Variants in RPS6KB1 observed in about 807,000 individuals in gnomAD.
The protein encoded by RPS6KB1 is ribosomal protein S6 kinase B1.
A neutral mutation model predicts 70.2 loss-of-function variants in RPS6KB1; 12 were observed. The observed-to-expected ratio is 0.17, with a 90% CI of 0.11 to 0.28. RPS6KB1 has a LOEUF of 0.28. Among genes scored for constraint, RPS6KB1 ranks in the 10% least tolerant of loss-of-function variants. RPS6KB1 has a pLI of 1.00. For missense variants in RPS6KB1, 270 were observed against 646.6 expected, an observed-to-expected ratio of 0.42 and a Z score of 6.32; for synonymous variants, 175 against 211.2, an observed-to-expected ratio of 0.83 and a Z score of 1.49.
chr17:59,901,172 C>T (rs1424975003), intron 1 of RPS6KB1, among the ~76,000 whole-genome samples: 6 of 148,772 alleles, frequency 4.0e-5, no homozygotes, highest in Non-Finnish European at 7.4e-5. Context: ...TTTTTTGAGA[C>T]GGAGTCTCGC....
At chr17:59,913,714 T>A (rs2042780322) in intron 3 of RPS6KB1, 1 of 152,190 alleles carries the variant, frequency 6.6e-6, no homozygotes, top group East Asian at 1.9e-4. Flanking sequence ...TTTTTTATGA[T>A]TTTTGAGACA....
At chr17:59,902,045 A>T (rs1885197049) in intron 1 of RPS6KB1, among the ~76,000 whole-genome samples, 1 of 144,796 alleles carries the variant, frequency 6.9e-6, no homozygotes. Flanking sequence ...TTTTCTGGAC[A>T]TTCCATATAA....
intron 12 of RPS6KB1, among the ~76,000 whole-genome samples, chr17:59,938,183 TTG>T (rs1491151015): frequency 4.7e-4 from 54 of 115,020 alleles, no homozygotes; most frequent in African/African-American, 1.7e-3. Context: ...TTTTTTTTTT[TTG>T]GGGGGGGGAT....
rs548256097 is a variant in RPS6KB1, at chr17:59,927,303, C to T, written c.529+721C>T. ...TTCACCATGTTGGTCAGGCTGGTCT[C>T]GAACTCCCGACTTCAGGTGATCCAC... On this transcript the variant is annotated intron_variant, in intron 5 of 14. Coordinates refer to ENST00000225577, the MANE Select transcript of RPS6KB1 (RefSeq NM_003161.4). 1.5e-4 allele frequency among the ~76,000 whole-genome samples: 23 copies of T among 150,724 alleles called. No homozygotes were observed. In the South Asian group the frequency reaches 2.3e-3, roughly 15 times the overall value.
Position 59,946,636 on chromosome 17 carries a change from A to G in RPS6KB1, c.1426A>G (p.Met476Val), listed in dbSNP as rs1414134583. Reference sequence around the variant, plus strand: ...TCCTCAGACACCTGTGGAATACCCAATGGAAACAAGTGGCATAGAGCAGAT... The same window carrying G: ...TCCTCAGACACCTGTGGAATACCCAGTGGAAACAAGTGGCATAGAGCAGAT... ...ANPQTPVEYP[M>V]ETSGIEQMDV... is the part of the protein sequence containing the mutation. The change falls in exon 15 of 15, where the codon ATG becomes GTG. Residue 476 changes from methionine to valine, a missense_variant. Transcript: ENST00000225577. This position sits in a 1 kb window ranked among gnomAD's most constrained non-coding sequence, Gnocchi z 4.2. The G allele has an allele frequency of 4.3e-6, 7 of 1,614,128 alleles. No homozygotes were observed. The highest frequency in any genetic ancestry group is 3.3e-5 in the Admixed American group (2 of 60,020).
chr17:59,909,532 C>T (rs1191616227), intron 1 of RPS6KB1, among the ~76,000 whole-genome samples: 1 of 150,376 alleles, frequency 6.6e-6, no homozygotes, highest in Non-Finnish European at 1.5e-5. Context: ...TCCCAAAGTG[C>T]TGGGATTACA....
intron 10 of RPS6KB1, 23 bp downstream of exon 10, chr17:59,935,323 G>A (rs780602373): frequency 1.6e-6 from 2 of 1,242,140 alleles, no homozygotes; most frequent in South Asian, 2.4e-5. Context: ...AATGGTCACT[G>A]ACACTACAAG....
intron 13 of RPS6KB1, among the ~76,000 whole-genome samples, chr17:59,942,630 C>G (rs988528503): frequency 1.1e-4 from 17 of 152,070 alleles, no homozygotes; most frequent in African/African-American, 4.1e-4. Context: ...GGATTTGTCA[C>G]TAACTTAATT....
In RPS6KB1 at chr17:59,914,717, C is replaced by T; in HGVS notation, c.381+14C>T. 1 of 1,587,434 alleles carries T rather than the reference C, an allele frequency of 6.3e-7. No homozygotes were observed. The highest frequency in any genetic ancestry group is 8.6e-7 in the Non-Finnish European group (1 of 1,157,920). On this transcript the variant is annotated intron_variant, in intron 4 of 14. Transcript: ENST00000225577. ...GTGCTTAAAAAGGTGATTTCCACTC[C>T]CCCTTTTTAGTCCTCACACACCATA...
At position 59,927,966 on chromosome 17, in the gene RPS6KB1, T is replaced by C. The variant is rs527350250; in HGVS notation, c.529+1384T>C. 1.1e-4 allele frequency among the ~76,000 whole-genome samples: 16 copies of C among 151,442 alleles called. No individual in the cohort carries two copies. In the East Asian group the frequency reaches 3.2e-3, roughly 30 times the overall value. On this transcript the variant is annotated intron_variant, in intron 5 of 14. Transcript: ENST00000225577. Reference sequence around the variant, plus strand: ...TGAGGTCAGGAGTTTGAGACCAGTCTGGCCAACATAGTGAAACCCTGTCTC... The same window carrying C: ...TGAGGTCAGGAGTTTGAGACCAGTCCGGCCAACATAGTGAAACCCTGTCTC...
chr17:59,935,460 T>G (rs1403816305), intron 10 of RPS6KB1, among the ~76,000 whole-genome samples, 160 bp downstream of exon 10: 2 of 152,144 alleles, frequency 1.3e-5, no homozygotes, highest in Non-Finnish European at 2.9e-5. Flanking sequence ...AAAGACTTTC[T>G]TTTCATATTC....
intron 2 of RPS6KB1, among the ~76,000 whole-genome samples, chr17:59,911,258 A>AATCTG (rs2042615405): frequency 2.0e-5 from 3 of 152,212 alleles, no homozygotes; most frequent in Admixed American, 2.0e-4. Flanking sequence ...TCTGTATTGT[A>AATCTG]CTCTCAAGTA....
At chr17:59,909,512 C>T (rs911054150) in intron 1 of RPS6KB1, among the ~76,000 whole-genome samples, 13 of 151,274 alleles carry the variant, frequency 8.6e-5, no homozygotes, top group Non-Finnish European at 8.9e-5. Flanking sequence ...GTGATCTGCC[C>T]GCATCGGCCT....
chr17:59,945,854 G>T (rs2044894487), intron 14 of RPS6KB1, among the ~76,000 whole-genome samples: 2 of 152,152 alleles, frequency 1.3e-5, no homozygotes, highest in Non-Finnish European at 2.9e-5. Flanking sequence ...AATTGTCCCT[G>T]TCCTGATGAA....
intron 4 of RPS6KB1, among the ~76,000 whole-genome samples, chr17:59,919,172 A>G (rs1303978361): frequency 6.6e-6 from 1 of 152,138 alleles, no homozygotes; most frequent in Non-Finnish European, 1.5e-5. Context: ...CTGTGTGTGT[A>G]AGCTTCTCTG....
intron 4 of RPS6KB1, 73 bp downstream of exon 4, chr17:59,914,776 A>G: frequency 9.0e-7 from 1 of 1,114,722 alleles, no homozygotes. Flanking sequence ...AAGGCTGGGA[A>G]GCAATCATAT....
At chr17:59,924,879 A>G (rs2043509825) in intron 4 of RPS6KB1, among the ~76,000 whole-genome samples, 1 of 151,678 alleles carries the variant, frequency 6.6e-6, no homozygotes, top group Non-Finnish European at 1.5e-5. Flanking sequence ...CCCAGGCTGG[A>G]GTGCAGTGGC....
chr17:59,900,849 C>T (rs1382899525), intron 1 of RPS6KB1, among the ~76,000 whole-genome samples: 1 of 151,588 alleles, frequency 6.6e-6, no homozygotes, highest in African/African-American at 2.4e-5. Context: ...CAGCCATCAC[C>T]AAAATTAGGT....
At chr17:59,903,731 A>G (rs2042099594) in intron 1 of RPS6KB1, among the ~76,000 whole-genome samples, 1 of 152,038 alleles carries the variant, frequency 6.6e-6, no homozygotes, top group Admixed American at 6.6e-5. Context: ...ATCATCTATT[A>G]TCCTAGTGGG....
Sources: allele counts gnomAD v4.1 joint callset (sites outside exome capture counted in the v4.1 genomes callset), GRCh38; gene constraint gnomAD v4.1.1; non-coding constraint Gnocchi (gnomAD v3.1); transcripts MANE v1.5; gene names NCBI Gene and HGNC (gene_info 2026-07-23, HGNC 2026-07-21).